CNTNAP2: variants seen among roughly 807,000 people sequenced by gnomAD.
The protein encoded by CNTNAP2 is contactin-associated protein-like 2.
In CNTNAP2, 98 loss-of-function variants were observed where a neutral mutation model predicts 155.2. That is an observed-to-expected ratio of 0.63 (90% CI 0.54 to 0.75). The LOEUF (loss-of-function observed/expected upper bound fraction) is 0.75, where lower values mean the gene tolerates loss of function less well. CNTNAP2 is among the 30% of genes least tolerant of loss of function. The pLI is 0.00. For synonymous variants in CNTNAP2, 651 were observed against 631.2 expected, an observed-to-expected ratio of 1.03 and a Z score of -0.47; for missense variants, 1,727 against 1,688.1, an observed-to-expected ratio of 1.02 and a Z score of -0.40.
intron 13 of CNTNAP2, among the ~76,000 whole-genome samples, chr7:147,695,258 G>A (rs774554763): frequency 3.9e-5 from 6 of 152,112 alleles, no homozygotes; most frequent in Non-Finnish European, 7.3e-5. Context: ...TACCCAGAAC[G>A]TGATCTATCT....
At chr7:147,759,169 G>T (rs1452930458) in intron 13 of CNTNAP2, among the ~76,000 whole-genome samples, 1 of 152,050 alleles carries the variant, frequency 6.6e-6, no homozygotes, top group African/African-American at 2.4e-5. Flanking sequence ...CTTTCTATCT[G>T]ATTAGATCCA....
intron 1 of CNTNAP2, among the ~76,000 whole-genome samples, chr7:146,267,947 T>G (rs1800021004): frequency 1.3e-5 from 2 of 152,148 alleles, no homozygotes; most frequent in South Asian, 4.1e-4. Context: ...GATCTAGGTA[T>G]AACAACATGA....
At chr7:147,948,287 A>C (rs1800855383) in intron 14 of CNTNAP2, among the ~76,000 whole-genome samples, 1 of 152,124 alleles carries the variant, frequency 6.6e-6, no homozygotes, top group African/African-American at 2.4e-5. Flanking sequence ...TGAATTGTAC[A>C]TTTTAAGATA....
intron 3 of CNTNAP2, among the ~76,000 whole-genome samples, chr7:147,015,280 G>GTA (rs1393076247): frequency 3.9e-5 from 6 of 152,216 alleles, no homozygotes; most frequent in Admixed American, 3.9e-4. Flanking sequence ...TGGTAAAATG[G>GTA]ACAGAGTAGG....
intron 3 of CNTNAP2, among the ~76,000 whole-genome samples, chr7:147,033,158 A>G (rs1354590961): frequency 4.0e-5 from 3 of 74,622 alleles, no homozygotes; most frequent in South Asian, 6.4e-4. Flanking sequence ...ATATATATAT[A>G]TGTATATATA....
Position 146,564,192 on chromosome 7 carries a change from C to T in CNTNAP2, c.98-210079C>T, listed in dbSNP as rs1421409763. Among the ~76,000 whole-genome samples the T allele has an allele frequency of 2.6e-5, 4 of 151,994 alleles. No homozygotes were observed. The East Asian group carries it at 7.7e-4, about 29-fold the overall frequency. Reference sequence around the variant, plus strand: ...AAAAGTATCTTGGGAACACAGAGACCATCTACATGGACAAAAGTAGGGGCT... The same window carrying T: ...AAAAGTATCTTGGGAACACAGAGACTATCTACATGGACAAAAGTAGGGGCT... On this transcript the variant is annotated intron_variant, in intron 1 of 23. Transcript: ENST00000361727.
At chr7:148,034,703 T>C (rs1400280140) in intron 15 of CNTNAP2, among the ~76,000 whole-genome samples, 1 of 152,166 alleles carries the variant, frequency 6.6e-6, no homozygotes, top group East Asian at 1.9e-4. Flanking sequence ...AACTGTATAA[T>C]GGGTAGAAGC....
In CNTNAP2 at chr7:147,395,753, G is replaced by A. The variant is rs2116454260; in HGVS notation, c.1643G>A (p.Ser548Asn). The A allele has an allele frequency of 4.3e-6, 7 of 1,612,354 alleles. No homozygotes were observed. Among genetic ancestry groups the A allele is most frequent in the Non-Finnish European group, 5.9e-6 (7 of 1,178,736 alleles). ...AAGCCGGGAAGTTTCGCGAATGTCA[G>A]CATTGACATGTGTGCGATCATAGAC... ...QRKPGSFANVSIDMCAIIDRC... is the reference protein window; with the variant it reads ...QRKPGSFANVNIDMCAIIDRC... The change falls in exon 10 of 24, where the codon AGC (serine) becomes AAC (asparagine). Residue 548 changes from serine to asparagine, a missense_variant. Physicochemically the swap from Ser to Asn is conservative, Grantham distance 46. Transcript: ENST00000361727.
intron 21 of CNTNAP2, among the ~76,000 whole-genome samples, chr7:148,336,318 T>C (rs979182306): frequency 3.9e-5 from 6 of 152,062 alleles, no homozygotes; most frequent in Non-Finnish European, 8.8e-5. Context: ...TCTAGTTTCA[T>C]CTAGAGAAAT....
At chr7:146,345,867 G>A (rs185013914) in intron 1 of CNTNAP2, among the ~76,000 whole-genome samples, 34 of 152,200 alleles carry the variant, frequency 2.2e-4, no homozygotes, top group Non-Finnish European at 4.4e-4. Flanking sequence ...TGTAAGACAC[G>A]AACTAGTCAC....
intron 1 of CNTNAP2, among the ~76,000 whole-genome samples, chr7:146,269,045 G>C (rs1236974415): frequency 6.6e-6 from 1 of 152,086 alleles, no homozygotes; most frequent in East Asian, 1.9e-4. Context: ...GCCATACTGG[G>C]GACATAAGAG....
chr7:147,747,516 C>T (rs1797064962), intron 13 of CNTNAP2, among the ~76,000 whole-genome samples: 1 of 152,166 alleles, frequency 6.6e-6, no homozygotes, highest in African/African-American at 2.4e-5. Flanking sequence ...ACTTAGGTTA[C>T]TTCCATATCT....
intron 17 of CNTNAP2, among the ~76,000 whole-genome samples, chr7:148,156,472 C>T (rs1264141273): frequency 6.6e-6 from 1 of 152,050 alleles, no homozygotes; most frequent in Non-Finnish European, 1.5e-5. Flanking sequence ...TGCATTCCCT[C>T]CTTCCTCCGC....
chr7:147,224,046 T>C lies in CNTNAP2; in HGVS notation c.1349-76095T>C, dbSNP rs950784640. ...GTTGGCCCAAGGCCACCTGGAGAAC[T>C]GTCAGCCAGCGCTTGTTCCCATAGA... On this transcript the variant is annotated intron_variant, in intron 8 of 23. Transcript: ENST00000361727. Among the ~76,000 whole-genome samples the C allele has an allele frequency of 6.2e-5, 3 of 48,738 alleles. No individual in the cohort carries two copies. In the African/African-American group the frequency reaches 8.1e-4, roughly 13 times the overall value. 32.0% of individuals were successfully genotyped at this position (48,738 alleles called of 152,430 possible).
chr7:146,160,432 T>C (rs545398417), intron 1 of CNTNAP2, among the ~76,000 whole-genome samples: 5 of 151,754 alleles, frequency 3.3e-5, no homozygotes, highest in Admixed American at 3.3e-4. Context: ...TCAACAAAAT[T>C]GATAGACTGC....
chr7:147,704,651 G>C (rs1270958341), intron 13 of CNTNAP2: 1 of 152,624 alleles, frequency 6.6e-6, no homozygotes, highest in African/African-American at 2.4e-5. Flanking sequence ...TTTTCGAGGA[G>C]AGCTCTTGTC....
At chr7:147,125,162 A>C (rs1352606712) in intron 6 of CNTNAP2, among the ~76,000 whole-genome samples, 2 of 151,804 alleles carry the variant, frequency 1.3e-5, no homozygotes, top group African/African-American at 4.8e-5. Context: ...TTACAGGTGT[A>C]AGCCACCCCA....
intron 14 of CNTNAP2, among the ~76,000 whole-genome samples, chr7:147,921,878 G>A (rs1345994921): frequency 1.3e-5 from 2 of 152,158 alleles, no homozygotes; most frequent in Non-Finnish European, 2.9e-5. Flanking sequence ...CACAAAGGCA[G>A]GATATCAATA....
intron 13 of CNTNAP2, among the ~76,000 whole-genome samples, chr7:147,851,668 C>G (rs1052565128): frequency 3.3e-5 from 5 of 150,524 alleles, no homozygotes; most frequent in African/African-American, 4.9e-5. Context: ...GGACAGAAAA[C>G]CAAACACCAC....
Sources: allele counts gnomAD v4.1 joint callset (sites outside exome capture counted in the v4.1 genomes callset), GRCh38; gene constraint gnomAD v4.1.1; transcripts MANE v1.5; gene names NCBI Gene and HGNC (gene_info 2026-07-23, HGNC 2026-07-21).